The following KCTD21 variants were observed in gnomAD, a reference collection of about 807,000 sequenced individuals.
The protein encoded by KCTD21 is BTB/POZ domain-containing protein KCTD21.
A neutral mutation model predicts 13.2 loss-of-function variants in KCTD21; 9 were observed. The observed-to-expected ratio is 0.68, with a 90% CI of 0.41 to 1.19. The LOEUF (loss-of-function observed/expected upper bound fraction) is 1.19, where lower values mean the gene tolerates loss of function less well. Ranked by LOEUF, KCTD21 falls within the 50% of genes most tolerant of loss-of-function variation. The pLI, the probability that KCTD21 is intolerant of heterozygous loss-of-function variation, is 0.01. For missense variants in KCTD21, 303 were observed against 336.5 expected (o/e 0.90, Z 0.78); for synonymous variants, 142 against 137.4 (o/e 1.03, Z -0.23).
rs115041341 is a variant in KCTD21 at position 78,187,089 on chromosome 11, G to C, written c.-30+1484C>G. ...CCGAGGTGATTACTTGGGAGTAAAT[G>C]CAAGGAGAGTTTCCACTGCGTAAGG... On this transcript the variant is annotated intron_variant, in intron 1 of 1. Transcript: ENST00000340067. 9.0e-4 allele frequency: 884 copies of C among 985,454 alleles called. 5 individuals carry two copies. In the African/African-American group the frequency reaches 0.014, roughly 16 times the overall value. 61.0% of individuals were successfully genotyped at this position (985,454 alleles called of 1,614,324 possible).
At chr11:78,187,849 G>A (rs1009550018) in intron 1 of KCTD21, 1 of 985,420 alleles carries the variant, frequency 1.0e-6, no homozygotes. Flanking sequence ...CCCGAGTGCA[G>A]GGAGAAAAGC....
At chr11:78,175,855 G>T (rs1862437317) in intron 1 of KCTD21, among the ~76,000 whole-genome samples, 1 of 151,904 alleles carries the variant, frequency 6.6e-6, no homozygotes, top group South Asian at 2.1e-4. Flanking sequence ...TTAGCATTAG[G>T]TATATCTCCT....
intron 1 of KCTD21, chr11:78,186,834 C>T (rs1381063907): frequency 1.6e-5 from 16 of 985,448 alleles, no homozygotes; most frequent in Non-Finnish European, 1.8e-5. Context: ...GAATTTTAGT[C>T]TAACCCCTTA....
Position 78,174,253 on chromosome 11 carries a change from A to G in KCTD21, c.302T>C (p.Val101Ala). Residue 101 changes from valine (V) to alanine (A), a missense_variant, in exon 2 of 2, where the codon GTG becomes GCG. Val to Ala is a moderately conservative substitution (Grantham distance 64). Transcript: ENST00000340067. Reference sequence around the variant, plus strand: ...ATTCTTCTCGGCCTTGGAGAGCTCCACTTCCTTCTCCTGCAGGGCCTCAAT... The same window carrying G: ...ATTCTTCTCGGCCTTGGAGAGCTCCGCTTCCTTCTCCTGCAGGGCCTCAAT... ...PLIEALQEKEVELSKAEKNAM... is the reference protein window; with the variant it reads ...PLIEALQEKEAELSKAEKNAM... 1.2e-6 allele frequency: 2 copies of G among 1,613,986 alleles called. No homozygotes were observed. The highest frequency in any genetic ancestry group is 1.7e-6 in the Non-Finnish European group (2 of 1,180,024).
chr11:78,181,271 T>TAATTGTAAACAGATA (rs1862610154), intron 1 of KCTD21, among the ~76,000 whole-genome samples: 1 of 152,222 alleles, frequency 6.6e-6, no homozygotes, highest in Non-Finnish European at 1.5e-5. Flanking sequence ...CAGAAACAAC[T>TAATTGTAAACAGATA]AATTGTAAAC....
At chr11:78,181,441 T>G (rs1397469877) in intron 1 of KCTD21, among the ~76,000 whole-genome samples, 1 of 152,236 alleles carries the variant, frequency 6.6e-6, no homozygotes, top group Non-Finnish European at 1.5e-5. Context: ...TGTATAACGT[T>G]CTGGCAAAGG....
intron 1 of KCTD21, chr11:78,186,711 G>A: frequency 1.0e-6 from 1 of 985,388 alleles, no homozygotes. Context: ...GGCCCTCTTC[G>A]ACTTCTGCAA....
rs755290316 is a variant in KCTD21, at chr11:78,174,602, G to A, written c.-29-19C>T. 20 of 1,532,946 alleles carry A rather than the reference G, an allele frequency of 1.3e-5. No homozygotes were observed. Among genetic ancestry groups the A allele is most frequent in the Non-Finnish European group, 1.8e-5 (20 of 1,133,730 alleles). 95.0% of individuals were successfully genotyped at this position (1,532,946 alleles called of 1,614,324 possible). A position where few individuals can be genotyped will look rare whatever the true frequency, so the allele number is the denominator to read the frequency against. On this transcript the variant is annotated intron_variant, in intron 1 of 1. Transcript: ENST00000340067. ...AGTAGTCCTGGAGAGGGTGAGAAGTGAGAAATGACTATAACCAAACCTTAT... is the reference window on the plus strand; with the variant it reads ...AGTAGTCCTGGAGAGGGTGAGAAGTAAGAAATGACTATAACCAAACCTTAT...
intron 1 of KCTD21, chr11:78,187,457 GGAA>G (rs1862819020): frequency 1.4e-5 from 14 of 985,388 alleles, no homozygotes; most frequent in South Asian, 1.4e-4. Context: ...AAGGTGGGCT[GGAA>G]GAAGGAGACC....
chr11:78,172,302 A>AG lies in KCTD21; in HGVS notation c.*1469dup, dbSNP rs1862300830. 1 of 152,340 alleles carries AG rather than the reference A, an allele frequency of 6.6e-6. No homozygotes were observed. Among genetic ancestry groups the AG allele is most frequent in the African/African-American group, 2.4e-5 (1 of 41,460 alleles). The allele number at this position is 152,340 out of a possible 1,614,324, so 9.4% of individuals were successfully genotyped here. On this transcript the variant is annotated 3_prime_UTR_variant, in exon 2 of 2. Coordinates refer to ENST00000340067, the MANE Select transcript of KCTD21 (RefSeq NM_001029859.3). The stretch of plus-strand genomic sequence containing the variant: ...GCCGCCTTCCTGAGGGCAGGGTCTT[A>AG]GGGGCCGCACATTTACTCTAAGGGC...
At chr11:78,183,810 T>A (rs897595490) in intron 1 of KCTD21, among the ~76,000 whole-genome samples, 1 of 151,870 alleles carries the variant, frequency 6.6e-6, no homozygotes, top group Non-Finnish European at 1.5e-5. Flanking sequence ...TAATTTTTTG[T>A]ATTTTTAGTG....
chr11:78,179,114 CT>C (rs1862541476), intron 1 of KCTD21, among the ~76,000 whole-genome samples: 1 of 152,184 alleles, frequency 6.6e-6, no homozygotes, highest in Non-Finnish European at 1.5e-5. Flanking sequence ...CTCCGGCCCA[CT>C]CCCACCCTGA....
chr11:78,180,940 C>T (rs1423945401), intron 1 of KCTD21, among the ~76,000 whole-genome samples: 1 of 152,096 alleles, frequency 6.6e-6, no homozygotes, highest in Non-Finnish European at 1.5e-5. Context: ...TAAGGGGTTT[C>T]CCCCTTCGCT....
At chr11:78,188,155 C>T in intron 1 of KCTD21, 1 of 985,372 alleles carries the variant, frequency 1.0e-6, no homozygotes, top group Non-Finnish European at 1.2e-6. Context: ...GCCCTTCCTT[C>T]CCCAATCTCA....
At chr11:78,185,312 T>C (rs562638264) in intron 1 of KCTD21, among the ~76,000 whole-genome samples, 27 of 152,152 alleles carry the variant, frequency 1.8e-4, no homozygotes, top group Non-Finnish European at 3.4e-4. Flanking sequence ...ATTTTAAAAA[T>C]ATTTGTATTT....
At chr11:78,187,747 T>C (rs918152351) in intron 1 of KCTD21, 15 of 985,210 alleles carry the variant, frequency 1.5e-5, no homozygotes, top group Non-Finnish European at 1.8e-5. Context: ...TTCGGAAGGG[T>C]TGGGGGGACT....
At chr11:78,181,784 TA>T (rs1057005613) in intron 1 of KCTD21, among the ~76,000 whole-genome samples, 3 of 150,934 alleles carry the variant, frequency 2.0e-5, no homozygotes, top group Non-Finnish European at 3.0e-5. Flanking sequence ...CTGTCTCAAT[TA>T]AAAAAAAAGT....
At chr11:78,187,604 C>T (rs1862826119) in intron 1 of KCTD21, 2 of 985,402 alleles carry the variant, frequency 2.0e-6, no homozygotes, top group South Asian at 4.7e-5. Context: ...GCTTTTCCTC[C>T]GGCACCAGCA....
intron 1 of KCTD21, among the ~76,000 whole-genome samples, chr11:78,176,103 T>C (rs1247440007): frequency 6.6e-6 from 1 of 152,214 alleles, no homozygotes; most frequent in Non-Finnish European, 1.5e-5. Context: ...CCATGGTGTA[T>C]ATGTGCCACA....
Sources: gnomAD v4.1 joint callset for allele counts (sites outside exome capture counted in the v4.1 genomes callset) on GRCh38, gnomAD v4.1.1 for gene constraint, MANE v1.5 for transcripts, NCBI Gene and HGNC (gene_info 2026-07-23, HGNC 2026-07-21) for gene names.